SCAMP1: variants seen among roughly 807,000 people sequenced by gnomAD.
SCAMP1 encodes the protein secretory carrier-associated membrane protein 1.
Under a neutral mutation model 41.8 loss-of-function variants are expected in SCAMP1, and 15 were observed. That is an observed-to-expected ratio of 0.36 (90% CI 0.24 to 0.55). The LOEUF (loss-of-function observed/expected upper bound fraction) is 0.55, where lower values mean the gene tolerates loss of function less well. Among genes scored for constraint, SCAMP1 ranks in the 20% least tolerant of loss-of-function variants. SCAMP1 has a pLI of 0.86. For missense variants in SCAMP1, 341 were observed against 412.6 expected, an observed-to-expected ratio of 0.83 and a Z score of 1.50; for synonymous variants, 135 against 136.8, an observed-to-expected ratio of 0.99 and a Z score of 0.09.
intron 1 of SCAMP1, among the ~76,000 whole-genome samples, chr5:78,364,490 A>G (rs967582961): frequency 6.6e-6 from 1 of 151,992 alleles, no homozygotes; most frequent in African/African-American, 2.4e-5. Context: ...TAAAAAACAA[A>G]GCCCACAGAG....
chr5:78,360,887 CCCGTG>C (rs1416912987), intron 1 of SCAMP1, 159 bp downstream of exon 1: 1 of 679,508 alleles, frequency 1.5e-6, no homozygotes, highest in African/African-American at 1.8e-5. Flanking sequence ...GCGCCCCGGC[CCCGTG>C]TCACTCCTTT....
At chr5:78,421,673 T>A in intron 5 of SCAMP1, 128 bp from the exon 6 acceptor site, 2 of 793,582 alleles carry the variant, frequency 2.5e-6, no homozygotes, top group Non-Finnish European at 4.1e-6. Flanking sequence ...TTGAAAAATA[T>A]AAATGGAAAC....
Position 78,443,542 on chromosome 5 carries a change from C to T in SCAMP1, c.633-6391C>T, listed in dbSNP as rs148029803. 2.8e-4 allele frequency among the ~76,000 whole-genome samples: 42 copies of T among 151,188 alleles called. 2 individuals carry two copies. In the East Asian group the frequency reaches 7.8e-3, roughly 28 times the overall value. ...GGTTTAAAACTTCATGTAATGTGAG[C>T]TTTTTCATTGACCCCTGTGCTTTTG... On this transcript the variant is annotated intron_variant, in intron 6 of 8. Transcript: ENST00000621999.
At chr5:78,360,777 G>T (rs1323530270) in intron 1 of SCAMP1, 49 bp downstream of exon 1, 51 of 1,547,786 alleles carry the variant, frequency 3.3e-5, no homozygotes, top group Non-Finnish European at 4.4e-5. Flanking sequence ...GTCGTTGTTT[G>T]TGAAAACGGA....
chr5:78,368,578 C>T (rs1750857505), intron 1 of SCAMP1, among the ~76,000 whole-genome samples: 2 of 152,036 alleles, frequency 1.3e-5, no homozygotes, highest in African/African-American at 4.8e-5. Flanking sequence ...ATTAATAATC[C>T]TATAGTATTC....
At position 78,478,281 on chromosome 5, in the gene SCAMP1, A is replaced by T. The variant is rs1561294408; in HGVS notation, c.*2613A>T. 6.6e-6 allele frequency: 1 copy of T among 152,566 alleles called. No homozygotes were observed. The highest frequency in any genetic ancestry group is 2.4e-5 in the African/African-American group (1 of 41,434). The allele number at this position is 152,566 out of a possible 1,614,324, so 9.5% of individuals were successfully genotyped here. On this transcript the variant is annotated 3_prime_UTR_variant, in exon 9 of 9. Coordinates refer to ENST00000621999, the MANE Select transcript of SCAMP1 (RefSeq NM_004866.6). ...CATAAAATAAAATGCTGTTTACTGGATGTTTGTTTGTATAATTTTGAACAC... is the reference window on the plus strand; with the variant it reads ...CATAAAATAAAATGCTGTTTACTGGTTGTTTGTTTGTATAATTTTGAACAC...
At chr5:78,448,512 G>A (rs1294360488) in intron 6 of SCAMP1, among the ~76,000 whole-genome samples, 1 of 152,256 alleles carries the variant, frequency 6.6e-6, no homozygotes, top group East Asian at 1.9e-4. Flanking sequence ...ATTAGTTCAT[G>A]AAAGAAGATC....
chr5:78,438,429 G>A (rs925919600), intron 6 of SCAMP1, among the ~76,000 whole-genome samples: 3 of 152,126 alleles, frequency 2.0e-5, no homozygotes, highest in African/African-American at 7.2e-5. Flanking sequence ...GTTCTCATTG[G>A]TTTCAAAGAA....
chr5:78,436,328 G>T (rs1243685270), intron 6 of SCAMP1, among the ~76,000 whole-genome samples: 1 of 152,148 alleles, frequency 6.6e-6, no homozygotes, highest in East Asian at 1.9e-4. Context: ...TATTGCCTAG[G>T]TTTTCTTCTA....
At chr5:78,438,161 C>T (rs1303106304) in intron 6 of SCAMP1, among the ~76,000 whole-genome samples, 1 of 152,130 alleles carries the variant, frequency 6.6e-6, no homozygotes, top group Non-Finnish European at 1.5e-5. Flanking sequence ...TTTCAAAAAA[C>T]CAGCTCCTGG....
At chr5:78,410,117 C>CTTT (rs113666677) in intron 2 of SCAMP1, among the ~76,000 whole-genome samples, 1 of 142,532 alleles carries the variant, frequency 7.0e-6, no homozygotes, top group Non-Finnish European at 1.5e-5. Flanking sequence ...AACTCTTTTT[C>CTTT]TTTTTTTTTT....
chr5:78,433,010 T>C (rs1752660062), intron 6 of SCAMP1, among the ~76,000 whole-genome samples: 1 of 152,146 alleles, frequency 6.6e-6, no homozygotes, highest in South Asian at 2.1e-4. Context: ...TTGCTGAGTA[T>C]ATTGGTGAGC....
intron 6 of SCAMP1, among the ~76,000 whole-genome samples, chr5:78,437,384 C>G: frequency 6.6e-6 from 1 of 151,958 alleles, no homozygotes; most frequent in East Asian, 1.9e-4. Flanking sequence ...TGAGATATGT[C>G]CCATCAATAC....
At chr5:78,443,525 A>G (rs1306296591) in intron 6 of SCAMP1, among the ~76,000 whole-genome samples, 1 of 151,980 alleles carries the variant, frequency 6.6e-6, no homozygotes, top group Non-Finnish European at 1.5e-5. Context: ...CAGGTTTAAA[A>G]CTTCATGTAA....
intron 6 of SCAMP1, among the ~76,000 whole-genome samples, chr5:78,434,582 T>A (rs529272085): frequency 1.3e-5 from 2 of 152,186 alleles, no homozygotes; most frequent in South Asian, 4.1e-4. Context: ...TTCAGAAGTT[T>A]TAAAAGCACT....
chr5:78,392,006 GGAGAGGGAGAGGGAGA>G (rs1388654225), intron 2 of SCAMP1, among the ~76,000 whole-genome samples: 1 of 133,996 alleles, frequency 7.5e-6, no homozygotes, highest in Non-Finnish European at 1.6e-5. Context: ...GGAAAGAGAG[GGAGAGGGAGAGGGAGA>G]GAGAGGGAGA....
At chr5:78,418,556 T>C (rs1285992026) in intron 4 of SCAMP1, among the ~76,000 whole-genome samples, 1 of 152,164 alleles carries the variant, frequency 6.6e-6, no homozygotes, top group Non-Finnish European at 1.5e-5. Flanking sequence ...TGGAAAATTA[T>C]TTTACTATCT....
intron 2 of SCAMP1, among the ~76,000 whole-genome samples, chr5:78,410,865 T>G (rs1752058640): frequency 6.6e-6 from 1 of 152,236 alleles, no homozygotes; most frequent in African/African-American, 2.4e-5. Context: ...GGTATCTCAT[T>G]GTGGTTTTGA....
intron 6 of SCAMP1, among the ~76,000 whole-genome samples, chr5:78,444,584 G>C (rs1017898774): frequency 6.6e-6 from 1 of 152,092 alleles, no homozygotes; most frequent in Non-Finnish European, 1.5e-5. Context: ...AATTCTATCA[G>C]TTTCTTTTTA....
Sources: gnomAD v4.1 joint callset for allele counts (sites outside exome capture counted in the v4.1 genomes callset) on GRCh38, gnomAD v4.1.1 for gene constraint, MANE v1.5 for transcripts, NCBI Gene and HGNC (gene_info 2026-07-23, HGNC 2026-07-21) for gene names.